The following KLHL4 variants were observed in gnomAD, a reference collection of about 807,000 sequenced individuals.
KLHL4 encodes the protein kelch-like protein 4.
In KLHL4, 17 loss-of-function variants were observed where a neutral mutation model predicts 45.8. That is an observed-to-expected ratio of 0.37 (90% CI 0.25 to 0.56). KLHL4 has a LOEUF of 0.56. Among genes scored for constraint, KLHL4 ranks in the 20% least tolerant of loss-of-function variants. KLHL4 has a pLI of 0.79. For missense variants in KLHL4, 544 were observed against 544.9 expected (o/e 1.00, Z 0.02); for synonymous variants, 224 against 189.9 (o/e 1.18, Z -1.47).
At chrX:87,593,976 A>G (rs1245724662) in intron 1 of KLHL4, among the ~76,000 whole-genome samples, 1 of 112,119 alleles carries the variant, frequency 8.9e-6, no homozygotes, top group Non-Finnish European at 1.9e-5. Flanking sequence ...GCTTTGATAT[A>G]CCTCACCTGT....
At chrX:87,631,045 G>T (rs1377669300) in intron 6 of KLHL4, among the ~76,000 whole-genome samples, 1 of 111,580 alleles carries the variant, frequency 9.0e-6, no homozygotes, top group African/African-American at 3.3e-5. Flanking sequence ...GTGAGGAGGT[G>T]GTGCCTGTTC....
chrX:87,587,673 A>C (rs996757368), intron 1 of KLHL4, among the ~76,000 whole-genome samples: 4 of 111,453 alleles, frequency 3.6e-5, no homozygotes, highest in African/African-American at 1.3e-4. Flanking sequence ...ATAGCCATAT[A>C]CAATGGACTC....
At chrX:87,665,335 C>T (rs368936091) in intron 10 of KLHL4, among the ~76,000 whole-genome samples, 27 of 111,707 alleles carry the variant, frequency 2.4e-4, no homozygotes, top group Admixed American at 3.8e-4. Flanking sequence ...CATCTTCTTC[C>T]GCAAATATCT....
Position 87,668,056 on chromosome X carries a change from C to T in KLHL4, c.*1522C>T. On this transcript the variant is annotated 3_prime_UTR_variant, in exon 11 of 11. Transcript: ENST00000373119. ...TTCCACTCCTTTATTTCTTCTTACA[C>T]CTGCCATTGTCTCTAATTCTAAAGA... The T allele has an allele frequency of 4.1e-6, 3 of 734,406 alleles. No individual in the cohort carries two copies. Among genetic ancestry groups the T allele is most frequent in the Non-Finnish European group, 4.8e-6 (3 of 621,157 alleles). 60.5% of individuals were successfully genotyped at this position (734,406 alleles called of 1,213,427 possible).
chrX:87,664,402 C>G (rs920467018), intron 9 of KLHL4, among the ~76,000 whole-genome samples: 1 of 111,653 alleles, frequency 9.0e-6, no homozygotes, highest in African/African-American at 3.3e-5. Flanking sequence ...ATAACTTCGA[C>G]AAATAAATAA....
At chrX:87,642,486 G>T (rs1171090630) in intron 9 of KLHL4, among the ~76,000 whole-genome samples, 2 of 111,704 alleles carry the variant, frequency 1.8e-5, no homozygotes, top group East Asian at 5.7e-4. Context: ...ACAAAACAAG[G>T]CTCTTCAACA....
intron 1 of KLHL4, among the ~76,000 whole-genome samples, chrX:87,568,083 AG>A (rs1195070857): frequency 9.0e-6 from 1 of 111,723 alleles, no homozygotes; most frequent in Non-Finnish European, 1.9e-5. Flanking sequence ...ATACAAAAAA[AG>A]GACAAATATT....
chrX:87,613,849 C>A, intron 1 of KLHL4, 28 bp from the exon 2 acceptor site: 1 of 1,077,437 alleles, frequency 9.3e-7, no homozygotes, highest in Non-Finnish European at 1.2e-6. Context: ...TATGATGAAC[C>A]ATATTCTCAT....
chrX:87,620,273 G>A (rs1198898829), intron 4 of KLHL4, among the ~76,000 whole-genome samples: 1 of 111,710 alleles, frequency 9.0e-6, no homozygotes. Context: ...AGAATAAAGT[G>A]TTTACCTTGA....
chrX:87,663,605 C>A (rs1286066509), intron 9 of KLHL4, among the ~76,000 whole-genome samples: 1 of 112,371 alleles, frequency 8.9e-6, no homozygotes, highest in Admixed American at 9.4e-5. Context: ...TGTGTGTACC[C>A]TGACTGTCAG....
intron 1 of KLHL4, among the ~76,000 whole-genome samples, chrX:87,552,117 A>T (rs1055322093): frequency 9.0e-6 from 1 of 111,582 alleles, no homozygotes; most frequent in Non-Finnish European, 1.9e-5. Flanking sequence ...CAATCCACAG[A>T]GTTGGAGAAA....
intron 1 of KLHL4, among the ~76,000 whole-genome samples, chrX:87,552,402 C>T (rs905829662): frequency 9.1e-6 from 1 of 110,453 alleles, no homozygotes; most frequent in African/African-American, 3.3e-5. Context: ...ATAAAAACAG[C>T]AGATGTTGGC....
At chrX:87,648,352 A>AAATCAC (rs1923703566) in intron 9 of KLHL4, among the ~76,000 whole-genome samples, 1 of 111,483 alleles carries the variant, frequency 9.0e-6, no homozygotes, top group Non-Finnish European at 1.9e-5. Context: ...TAGGAGAAAA[A>AAATCAC]AATCACAATC....
Position 87,528,318 on chromosome X carries a change from C to A in KLHL4, c.422+10003C>A, listed in dbSNP as rs1338975151. ...AAGAAAGTATTTCTGAACTCAAAGG[C>A]AAGCTTTTTGAAATAACTCAGTCAG... On this transcript the variant is annotated intron_variant, in intron 1 of 10. Coordinates refer to ENST00000373119, the MANE Select transcript of KLHL4 (RefSeq NM_019117.5). Among the ~76,000 whole-genome samples, 3 of 110,903 alleles carry A rather than the reference C, an allele frequency of 2.7e-5. No homozygotes were observed. In the South Asian group the frequency reaches 1.1e-3, roughly 42 times the overall value.
chrX:87,532,012 C>A (rs1464556297), intron 1 of KLHL4, among the ~76,000 whole-genome samples: 1 of 108,207 alleles, frequency 9.2e-6, no homozygotes, highest in East Asian at 3.0e-4. Context: ...CAAAAAAGAG[C>A]CCGCATCGCC....
chrX:87,626,243 A>G (rs755281106), intron 6 of KLHL4, among the ~76,000 whole-genome samples: 3 of 111,475 alleles, frequency 2.7e-5, no homozygotes, highest in South Asian at 3.8e-4. Flanking sequence ...TAAGGTATAC[A>G]TTGGTTCTGT....
At chrX:87,611,567 A>G (rs990848088) in intron 1 of KLHL4, among the ~76,000 whole-genome samples, 8 of 111,134 alleles carry the variant, frequency 7.2e-5, no homozygotes, top group African/African-American at 2.6e-4. Context: ...CTACTGCACT[A>G]TCAGTCATAT....
chrX:87,591,005 AG>A (rs1921644778), intron 1 of KLHL4, among the ~76,000 whole-genome samples: 1 of 111,974 alleles, frequency 8.9e-6, no homozygotes, highest in Non-Finnish European at 1.9e-5. Context: ...ATATGTACTC[AG>A]TAGAGAGATT....
chrX:87,607,334 CAAG>C (rs1347410204), intron 1 of KLHL4, among the ~76,000 whole-genome samples: 3 of 111,059 alleles, frequency 2.7e-5, no homozygotes, highest in Non-Finnish European at 5.7e-5. Flanking sequence ...GCATTGATTT[CAAG>C]CAATCAAGTC....
Sources: allele counts gnomAD v4.1 joint callset (sites outside exome capture counted in the v4.1 genomes callset), GRCh38; gene constraint gnomAD v4.1.1; transcripts MANE v1.5; gene names NCBI Gene and HGNC (gene_info 2026-07-23, HGNC 2026-07-21).